NRG4: variants seen among roughly 807,000 people sequenced by gnomAD.
The protein encoded by NRG4 is pro-neuregulin-4, membrane-bound isoform.
NRG4 carries 10 observed loss-of-function variants against 15.0 expected under a neutral mutation model. The observed-to-expected ratio is 0.67, with a 90% CI of 0.41 to 1.13. NRG4 has a LOEUF of 1.13. Ranked by LOEUF, NRG4 falls within the 50% of genes most tolerant of loss-of-function variation. The pLI is 0.00. For missense variants in NRG4, 139 were observed against 140.2 expected, an observed-to-expected ratio of 0.99 and a Z score of 0.04; for synonymous variants, 41 against 50.1, an observed-to-expected ratio of 0.82 and a Z score of 0.77.
chr15:75,943,914 G>GC (rs1026091584), intron 5 of NRG4, among the ~76,000 whole-genome samples: 6 of 139,164 alleles, frequency 4.3e-5, no homozygotes, highest in African/African-American at 1.4e-4. Context: ...CACACCCCCC[G>GC]CCCCTCACTG....
chr15:76,023,235 C>G (rs976457649), intron 5 of NRG4, among the ~76,000 whole-genome samples: 1 of 150,248 alleles, frequency 6.7e-6, no homozygotes, highest in East Asian at 2.0e-4. Context: ...TGGAGTGTTG[C>G]CCAGAGAGTG....
At chr15:76,048,246 CA>C (rs2035919221) in intron 4 of NRG4, among the ~76,000 whole-genome samples, 1 of 149,658 alleles carries the variant, frequency 6.7e-6, no homozygotes, top group Non-Finnish European at 1.5e-5. Flanking sequence ...CCGAGGCAGG[CA>C]GATCACTTGA....
At chr15:76,007,590 C>T (rs973223420) in intron 3 of NRG4, among the ~76,000 whole-genome samples, 2 of 151,942 alleles carry the variant, frequency 1.3e-5, no homozygotes, top group African/African-American at 2.4e-5. Context: ...CCATCATGCC[C>T]AGCTAATTTT....
chr15:76,036,295 T>C lies in NRG4; in HGVS notation c.-104-304A>G, dbSNP rs1219637181. On this transcript the variant is annotated intron_variant, in intron 4 of 8. Transcript: ENST00000563910. ...GATTATATTGGCATAAACAACTTTATGTAAAATGTTTAAGCAATAAATTTT... is the reference window on the plus strand; with the variant it reads ...GATTATATTGGCATAAACAACTTTACGTAAAATGTTTAAGCAATAAATTTT... Among the ~76,000 whole-genome samples, 4 of 152,230 alleles carry C rather than the reference T, an allele frequency of 2.6e-5. No individual in the cohort carries two copies. In the South Asian group the frequency reaches 6.2e-4, roughly 24 times the overall value.
At chr15:76,057,282 G>A (rs562741623) in intron 1 of NRG4, 23 of 152,004 alleles carry the variant, frequency 1.5e-4, no homozygotes, top group African/African-American at 4.8e-4. Context: ...TTGAAAGGAG[G>A]CTCCAGAATC....
chr15:75,942,300 A>G lies in NRG4; in HGVS notation c.*1338T>C, dbSNP rs552648245. The stretch of plus-strand genomic sequence containing the variant: ...CAACAAAAAGAGGACCCTTCATGTA[A>G]ATTACAGGCTTCAGCTAGCCTGGAT... On this transcript the variant is annotated 3_prime_UTR_variant, in exon 6 of 6. Transcript: ENST00000394907. 1 of 152,316 alleles carries G rather than the reference A, an allele frequency of 6.6e-6. No individual in the cohort carries two copies. The highest frequency in any genetic ancestry group is 2.1e-4 in the South Asian group (1 of 4,826). 9.4% of individuals were successfully genotyped at this position (152,316 alleles called of 1,614,324 possible).
intron 3 of NRG4, among the ~76,000 whole-genome samples, chr15:75,967,568 T>C (rs1294710548): frequency 6.7e-6 from 1 of 150,148 alleles, no homozygotes; most frequent in Non-Finnish European, 1.5e-5. Flanking sequence ...TTCAAGAGAT[T>C]CTCCTGCTTC....
intron 4 of NRG4, among the ~76,000 whole-genome samples, chr15:75,956,919 T>C (rs2032270860): frequency 6.6e-6 from 1 of 152,242 alleles, no homozygotes; most frequent in Admixed American, 6.5e-5. Flanking sequence ...TTTAGCTTTC[T>C]TTTTTATTTA....
chr15:75,996,451 C>A (rs930927411), intron 3 of NRG4, among the ~76,000 whole-genome samples: 21 of 152,044 alleles, frequency 1.4e-4, no homozygotes, highest in African/African-American at 5.1e-4. Context: ...AACAAATGAG[C>A]CTTGCTTTTT....
chr15:75,994,217 A>G (rs75522791), intron 3 of NRG4, among the ~76,000 whole-genome samples: 2,289 of 152,302 alleles, frequency 0.015, 77 homozygotes, highest in East Asian at 0.15. Flanking sequence ...TGAAATGTCT[A>G]TTCACTTTTC....
intron 5 of NRG4, among the ~76,000 whole-genome samples, chr15:76,021,291 A>G (rs1473420946): frequency 6.6e-6 from 1 of 152,240 alleles, no homozygotes; most frequent in African/African-American, 2.4e-5. Context: ...CAAAAACATT[A>G]CAACTCACTG....
chr15:76,016,948 G>A (rs144105666), upstream of NRG4, among the ~76,000 whole-genome samples: 7 of 152,200 alleles, frequency 4.6e-5, no homozygotes, highest in Non-Finnish European at 2.9e-5. Context: ...CACTATTATT[G>A]TGTGGGAGTC....
At chr15:76,017,419 A>G (rs2035016360), upstream of NRG4, among the ~76,000 whole-genome samples, 1 of 151,990 alleles carries the variant, frequency 6.6e-6, no homozygotes, top group African/African-American at 2.4e-5. Flanking sequence ...TAGTTGATGC[A>G]GTTTCTTCAT....
chr15:76,059,363 C>G (rs2959852), intron 1 of NRG4, among the ~76,000 whole-genome samples: 124,624 of 152,206 alleles, frequency 0.82, 51,277 homozygotes, highest in South Asian at 0.89. Context: ...CCAAGCGCAG[C>G]GGGCACTGCG....
intron 4 of NRG4, among the ~76,000 whole-genome samples, chr15:76,048,683 C>T (rs1245233874): frequency 6.6e-6 from 1 of 150,630 alleles, no homozygotes; most frequent in Admixed American, 6.6e-5. Context: ...CGCTGCCTCT[C>T]ATACATACCT....
downstream of NRG4, chr15:75,935,822 C>T (rs894742513): frequency 3.9e-5 from 6 of 152,034 alleles, no homozygotes; most frequent in Non-Finnish European, 7.4e-5. Context: ...GAGTCCCGCT[C>T]TTTAGCCCAG....
intron 5 of NRG4, among the ~76,000 whole-genome samples, chr15:76,030,389 T>C (rs913170468): frequency 2.6e-5 from 4 of 152,086 alleles, no homozygotes; most frequent in Admixed American, 2.0e-4. Context: ...AACAGACACA[T>C]AGACCAATGG....
At chr15:76,029,675 C>A (rs1252230458) in intron 5 of NRG4, among the ~76,000 whole-genome samples, 2 of 151,986 alleles carry the variant, frequency 1.3e-5, no homozygotes, top group Non-Finnish European at 2.9e-5. Flanking sequence ...ATTCCATTTA[C>A]AATAACTACA....
upstream of NRG4, among the ~76,000 whole-genome samples, chr15:76,014,643 C>T (rs2034920499): frequency 6.6e-6 from 1 of 152,108 alleles, no homozygotes; most frequent in Non-Finnish European, 1.5e-5. Context: ...TGTCAAAGAT[C>T]AGATGGTTGT....
Sources: gnomAD v4.1 joint callset for allele counts (sites outside exome capture counted in the v4.1 genomes callset) on GRCh38, gnomAD v4.1.1 for gene constraint, MANE v1.5 for transcripts, NCBI Gene and HGNC (gene_info 2026-07-23, HGNC 2026-07-21) for gene names.